Variants in PPM1H observed in about 807,000 individuals in gnomAD.
PPM1H encodes protein phosphatase, Mg2+/Mn2+ dependent 1H.
Under a neutral mutation model 54.9 loss-of-function variants are expected in PPM1H, and 27 were observed. The observed-to-expected ratio is 0.49, with a 90% confidence interval of 0.36 to 0.68. The LOEUF is 0.68. Ranked by LOEUF, PPM1H falls within the 30% of genes least tolerant of loss-of-function variation. The pLI is 0.00. For synonymous variants in PPM1H, 305 were observed against 270.8 expected, an observed-to-expected ratio of 1.13 and a Z score of -1.24; for missense variants, 596 against 667.8, an observed-to-expected ratio of 0.89 and a Z score of 1.19.
chr12:62,687,507 G>A (rs916826780), intron 8 of PPM1H, among the ~76,000 whole-genome samples: 37 of 151,342 alleles, frequency 2.4e-4, no homozygotes, highest in African/African-American at 8.0e-4. Flanking sequence ...TGCCTTAGCC[G>A]CCCAAAGTGC....
Position 62,737,610 on chromosome 12 carries a change from C to A in PPM1H, c.870-24G>T. 2.1e-6 allele frequency: 3 copies of A among 1,449,330 alleles called. No homozygotes were observed. The South Asian group carries it at 3.7e-5, about 18-fold the overall frequency. 89.8% of individuals were successfully genotyped at this position (1,449,330 alleles called of 1,614,324 possible). The stretch of plus-strand genomic sequence containing the variant: ...CCCTGAAATGGTGAAAATGCATTGT[C>A]AGTAGCCAATCTCATAAATGCTCTG... On this transcript the variant is annotated intron_variant, in intron 4 of 9. Transcript: ENST00000228705.
intron 5 of PPM1H, among the ~76,000 whole-genome samples, chr12:62,731,970 C>A (rs2076323463): frequency 1.3e-5 from 2 of 152,138 alleles, no homozygotes; most frequent in Admixed American, 1.3e-4. Flanking sequence ...CAACCAGACA[C>A]CCTTCCCTCC....
At position 62,933,143 on chromosome 12, in the gene PPM1H, T is replaced by C. The variant is rs185553593; in HGVS notation, c.245+1349A>G. Among the ~76,000 whole-genome samples, 502 of 152,282 alleles carry C rather than the reference T, an allele frequency of 3.3e-3. 11 individuals carry two copies. The highest frequency in any genetic ancestry group is 9.3e-4 in the Non-Finnish European group (63 of 68,024). On this transcript the variant is annotated intron_variant, in intron 1 of 9. Coordinates refer to ENST00000228705, the MANE Select transcript of PPM1H (RefSeq NM_020700.2). ...TCTTTTATGATGTGTTAATTTTTAC[T>C]GTCTGAGCTCCCATCAAAGCGCATT...
intron 4 of PPM1H, chr12:62,755,851 T>C (rs1334296589): frequency 1.4e-5 from 11 of 785,820 alleles, no homozygotes; most frequent in Non-Finnish European, 2.5e-5. Context: ...ACATCATCCC[T>C]GCCTCTACTG....
At chr12:62,671,474 A>G (rs2075956507) in intron 8 of PPM1H, among the ~76,000 whole-genome samples, 1 of 152,206 alleles carries the variant, frequency 6.6e-6, no homozygotes, top group Admixed American at 6.5e-5. Flanking sequence ...TTTATTGCAT[A>G]CTTGCTGTGT....
intron 1 of PPM1H, among the ~76,000 whole-genome samples, chr12:62,853,438 T>C (rs1869267849): frequency 1.3e-5 from 2 of 151,970 alleles, no homozygotes; most frequent in Admixed American, 1.3e-4. Flanking sequence ...ATGCATAAAA[T>C]AAAATGTGAA....
At chr12:62,892,642 A>G (rs1207670888) in intron 1 of PPM1H, among the ~76,000 whole-genome samples, 1 of 152,216 alleles carries the variant, frequency 6.6e-6, no homozygotes, top group African/African-American at 2.4e-5. Flanking sequence ...AACTAAACTC[A>G]ATATGTGTTT....
intron 4 of PPM1H, among the ~76,000 whole-genome samples, chr12:62,774,424 CT>C (rs1430357460): frequency 6.6e-6 from 1 of 152,128 alleles, no homozygotes; most frequent in Admixed American, 6.5e-5. Flanking sequence ...TCATTGCAGC[CT>C]CAGCCTCCTG....
chr12:62,701,265 C>T (rs1483271957), intron 6 of PPM1H, among the ~76,000 whole-genome samples: 1 of 152,234 alleles, frequency 6.6e-6, no homozygotes, highest in African/African-American at 2.4e-5. Context: ...CACTCACAAG[C>T]ACCCCTTTCC....
At chr12:62,710,903 GTA>G (rs1462118838) in intron 6 of PPM1H, among the ~76,000 whole-genome samples, 2 of 152,202 alleles carry the variant, frequency 1.3e-5, no homozygotes, top group East Asian at 3.8e-4. Context: ...AATGATTATA[GTA>G]TTAGAAACTC....
chr12:62,729,888 G>T (rs1047986236), intron 5 of PPM1H, among the ~76,000 whole-genome samples: 2 of 152,066 alleles, frequency 1.3e-5, no homozygotes, highest in Non-Finnish European at 2.9e-5. Flanking sequence ...CATATCCCCT[G>T]TGACCTGCAC....
chr12:62,878,626 TAAAAAA>T (rs34587900), intron 1 of PPM1H, among the ~76,000 whole-genome samples: 7 of 81,564 alleles, frequency 8.6e-5, no homozygotes, highest in African/African-American at 3.5e-4. Flanking sequence ...TGATTACGCT[TAAAAAA>T]AAAAAAAAAA....
chr12:62,712,029 C>T (rs533003451), intron 6 of PPM1H, among the ~76,000 whole-genome samples: 58 of 152,360 alleles, frequency 3.8e-4, no homozygotes, highest in Middle Eastern at 3.4e-3. Context: ...GCAGCTAGAG[C>T]TGCAAATCTT....
chr12:62,834,467 C>A (rs1868441359), intron 1 of PPM1H, among the ~76,000 whole-genome samples: 1 of 152,088 alleles, frequency 6.6e-6, no homozygotes, highest in Non-Finnish European at 1.5e-5. Context: ...CTATCTTGAC[C>A]CCTAACCCAA....
chr12:62,669,969 CTTTTT>C (rs1161094944), intron 8 of PPM1H, among the ~76,000 whole-genome samples: 12 of 46,426 alleles, frequency 2.6e-4, no homozygotes, highest in Admixed American at 1.6e-3. Flanking sequence ...GGATTGATTC[CTTTTT>C]TTTTTTTTTT....
At position 62,934,305 on chromosome 12, in the gene PPM1H, G is replaced by GC. The variant is rs546416026; in HGVS notation, c.245+186dup. On this transcript the variant is annotated intron_variant, in intron 1 of 9. Transcript: ENST00000228705. This position sits in a 1 kb window ranked among gnomAD's most constrained non-coding sequence, Gnocchi z 4.2. ...GGGGCTGGAGACGCCGCGTCCTTGG[G>GC]CTGGGGGAAGAGGGAGTGGGGAGAA... Among the ~76,000 whole-genome samples the GC allele has an allele frequency of 4.9e-4, 74 of 152,318 alleles. 2 individuals carry two copies. In the South Asian group the frequency reaches 0.015, roughly 30 times the overall value.
chr12:62,896,407 A>G (rs1206319429), intron 1 of PPM1H, among the ~76,000 whole-genome samples: 3 of 152,222 alleles, frequency 2.0e-5, no homozygotes, highest in Non-Finnish European at 4.4e-5. Context: ...TTACAAGAAA[A>G]AATCAAACAA....
intron 2 of PPM1H, among the ~76,000 whole-genome samples, chr12:62,810,918 T>C (rs2076831478): frequency 6.6e-6 from 1 of 152,368 alleles, no homozygotes; most frequent in South Asian, 2.1e-4. Flanking sequence ...TCCTTTCCTA[T>C]GTGCCAGGCT....
chr12:62,773,261 A>G (rs1337473566), intron 4 of PPM1H, among the ~76,000 whole-genome samples: 2 of 152,178 alleles, frequency 1.3e-5, no homozygotes, highest in East Asian at 3.9e-4. Context: ...GATTGCTTGA[A>G]TCCAGCAGTT....
Sources: gnomAD v4.1 joint callset for allele counts (sites outside exome capture counted in the v4.1 genomes callset) on GRCh38, gnomAD v4.1.1 for gene constraint, Gnocchi (gnomAD v3.1) non-coding constraint, MANE v1.5 for transcripts, NCBI Gene and HGNC (gene_info 2026-07-23, HGNC 2026-07-21) for gene names.